LAMB1: variants seen among roughly 807,000 people sequenced by gnomAD.
The protein encoded by LAMB1 is laminin subunit beta-1.
In LAMB1, 121 loss-of-function variants were observed where a neutral mutation model predicts 222.3. The observed-to-expected ratio is 0.54, with a 90% CI of 0.47 to 0.63. The LOEUF is 0.63. Among genes scored for constraint, LAMB1 ranks in the 30% least tolerant of loss-of-function variants. The pLI is 0.00. For missense variants in LAMB1, 2,172 were observed against 2,240.8 expected, an observed-to-expected ratio of 0.97 and a Z score of 0.62; for synonymous variants, 794 against 807.2, an observed-to-expected ratio of 0.98 and a Z score of 0.28.
At chr7:107,990,785 A>T (rs1200545160) in intron 5 of LAMB1, among the ~76,000 whole-genome samples, 1 of 152,212 alleles carries the variant, frequency 6.6e-6, no homozygotes, top group Non-Finnish European at 1.5e-5. Context: ...AACAGCAGAG[A>T]GTATCAGAGT....
At chr7:107,955,268 C>A (rs535412689) in intron 21 of LAMB1, among the ~76,000 whole-genome samples, 199 bp downstream of exon 21, 6 of 152,134 alleles carry the variant, frequency 3.9e-5, no homozygotes, top group Non-Finnish European at 7.3e-5. Flanking sequence ...TGTGTTATAA[C>A]GTTCTTATCA....
At position 107,976,866 on chromosome 7, in the gene LAMB1, TCC is replaced by T. The variant is rs2033869103; in HGVS notation, c.1001-991_1001-990del. 6.7e-5 allele frequency among the ~76,000 whole-genome samples: 6 copies of T among 89,058 alleles called. 1 individual carries two copies. Among genetic ancestry groups the T allele is most frequent in the Non-Finnish European group, 1.5e-4 (6 of 41,242 alleles). The allele number at this position is 89,058 out of a possible 152,430, so 58.4% of individuals were successfully genotyped here. ...CCTTCCTTCCTTTCCTCTCCTTCCT[TCC>T]TTCCTTTCCTCTTGCTCCTTCCTTC... On this transcript the variant is annotated intron_variant, in intron 9 of 33. Transcript: ENST00000222399.
intron 22 of LAMB1, among the ~76,000 whole-genome samples, 170 bp downstream of exon 22, chr7:107,953,360 A>T (rs200321967): frequency 5.1e-5 from 1 of 19,742 alleles, no homozygotes; most frequent in South Asian, 1.3e-3. Context: ...CTGTCTCATT[A>T]AAAAAAAAAA....
chr7:107,977,244 A>G (rs1030673661), intron 9 of LAMB1, among the ~76,000 whole-genome samples: 1 of 152,146 alleles, frequency 6.6e-6, no homozygotes, highest in African/African-American at 2.4e-5. Context: ...CAGTGGGGGC[A>G]GAGGCGGAGC....
intron 32 of LAMB1, among the ~76,000 whole-genome samples, chr7:107,925,898 T>TAAAAA (rs34631145): frequency 1.4e-5 from 2 of 142,926 alleles, no homozygotes; most frequent in African/African-American, 5.2e-5. Flanking sequence ...ATAGTTGGTT[T>TAAAAA]AAAAAAAAAA....
At chr7:107,998,773 T>A (rs1166268663) in intron 3 of LAMB1, among the ~76,000 whole-genome samples, 2 of 152,198 alleles carry the variant, frequency 1.3e-5, no homozygotes, top group Admixed American at 1.3e-4. Flanking sequence ...AAAATCAAAT[T>A]TCTAGGCTTA....
intron 13 of LAMB1, among the ~76,000 whole-genome samples, chr7:107,972,131 C>T (rs1179009614): frequency 1.3e-5 from 2 of 152,208 alleles, no homozygotes; most frequent in African/African-American, 4.8e-5. Context: ...ACATGCTGTA[C>T]TGGGTCTATG....
chr7:107,956,791 G>A (rs2033387285), intron 20 of LAMB1, among the ~76,000 whole-genome samples: 1 of 152,150 alleles, frequency 6.6e-6, no homozygotes, highest in South Asian at 2.1e-4. Context: ...TTGTCTCTCA[G>A]GTGGTTCCAA....
At chr7:107,976,473 T>C (rs1328347470) in intron 9 of LAMB1, among the ~76,000 whole-genome samples, 1 of 152,196 alleles carries the variant, frequency 6.6e-6, no homozygotes, top group Admixed American at 6.5e-5. Context: ...GGCGGTCATC[T>C]TGGTGCCACC....
At position 107,935,438 on chromosome 7, in the gene LAMB1, C is replaced by T; in HGVS notation, c.4165G>A (p.Asp1389Asn). Residue 1389 changes from aspartate (D) to asparagine (N), a missense_variant, in exon 27 of 34, where the codon GAC (aspartate) becomes AAC (asparagine). Physicochemically the swap from Asp to Asn is conservative, Grantham distance 23. Coordinates refer to ENST00000222399, the MANE Select transcript of LAMB1 (RefSeq NM_002291.3). Reference sequence around the variant, plus strand: ...ACCATTTCGGCAGCGGCTGAAAGGTCTAGGCTTTGTAGCTTGCCTGCCAGT... The same window carrying T: ...ACCATTTCGGCAGCGGCTGAAAGGTTTAGGCTTTGTAGCTTGCCTGCCAGT... ...DELAGKLQSL[D>N]LSAAAEMTCG... The T allele has an allele frequency of 6.6e-7, 1 of 1,524,622 alleles. No individual in the cohort carries two copies. Among genetic ancestry groups the T allele is most frequent in the Non-Finnish European group, 8.8e-7 (1 of 1,130,390 alleles). The allele number at this position is 1,524,622 out of a possible 1,614,324, so 94.4% of individuals were successfully genotyped here.
At chr7:107,995,061 T>C (rs969315955) in intron 4 of LAMB1, 101 bp from the exon 5 acceptor site, 16 of 647,176 alleles carry the variant, frequency 2.5e-5, no homozygotes, top group Non-Finnish European at 4.3e-5. Flanking sequence ...ATGTTCCCCA[T>C]AGAAATTATC....
rs2528650 is a variant in LAMB1, at chr7:107,960,113, C to T, written c.2315-279G>A. On this transcript the variant is annotated intron_variant, in intron 18 of 33. Transcript: ENST00000222399. ...CAGTGACCTTCAGAGGATGGTCTGA[C>T]GTTTCAAAGAGAAAAACATACATTT... is the stretch of plus-strand genomic sequence containing the variant. 0.36 allele frequency among the ~76,000 whole-genome samples: 54,154 copies of T among 151,928 alleles called. 9,764 individuals are homozygous for T. The highest frequency in any genetic ancestry group is 0.37 in the Non-Finnish European group (25,326 of 67,954).
chr7:107,982,200 G>A (rs554086911), intron 7 of LAMB1, among the ~76,000 whole-genome samples: 67 of 152,272 alleles, frequency 4.4e-4, no homozygotes, highest in Non-Finnish European at 5.9e-4. Context: ...CGGGGTTTTC[G>A]TGAGTTACTA....
At chr7:107,963,555 G>A (rs2033558361) in intron 14 of LAMB1, among the ~76,000 whole-genome samples, 1 of 152,128 alleles carries the variant, frequency 6.6e-6, no homozygotes, top group African/African-American at 2.4e-5. Context: ...TGTTTACAGG[G>A]TTATTTTTTA....
At chr7:107,990,490 G>T (rs1461056077) in intron 5 of LAMB1, among the ~76,000 whole-genome samples, 1 of 152,172 alleles carries the variant, frequency 6.6e-6, no homozygotes, top group Non-Finnish European at 1.5e-5. Context: ...TTCTCTTCCT[G>T]ATTTCACTAC....
At position 107,929,636 on chromosome 7, in the gene LAMB1, T is replaced by C. The variant is rs1195586789; in HGVS notation, c.4538-17A>G. ...CACTATCCTCTGTGAAAAGCAAAGA[T>C]GTCCCCAAAAAGAGGTGAAAAGAAT... is the stretch of plus-strand genomic sequence containing the variant. On this transcript the variant is annotated splice_polypyrimidine_tract_variant and intron_variant, in intron 29 of 33. Coordinates refer to ENST00000222399, the MANE Select transcript of LAMB1 (RefSeq NM_002291.3). 4.4e-6 allele frequency: 7 copies of C among 1,605,874 alleles called. No homozygotes were observed. The highest frequency in any genetic ancestry group is 2.2e-5 in the East Asian group (1 of 44,842).
At chr7:107,930,440 A>G (rs1250074878) in intron 29 of LAMB1, among the ~76,000 whole-genome samples, 1 of 152,184 alleles carries the variant, frequency 6.6e-6, no homozygotes, top group Non-Finnish European at 1.5e-5. Context: ...CTTATTAGCC[A>G]TGCCTTTTTT....
In LAMB1 at chr7:107,940,355, C is replaced by T. The variant is rs2032952157; in HGVS notation, c.3395G>A (p.Cys1132Tyr). 11 of 1,612,812 alleles carry T rather than the reference C, an allele frequency of 6.8e-6. No individual in the cohort carries two copies. Among genetic ancestry groups the T allele is most frequent in the Non-Finnish European group, 8.5e-6 (10 of 1,179,126 alleles). ...WGDPDVECRA[C>Y]DCDPRGIETP... is the part of the protein sequence containing the mutation. ...CTCAATGCCCCTGGGGTCACAGTCACAGGCTAGAAGGGAATAAGCAATGCT... is the reference window on the plus strand; with the variant it reads ...CTCAATGCCCCTGGGGTCACAGTCATAGGCTAGAAGGGAATAAGCAATGCT... The change falls in exon 25 of 34, where the codon TGT becomes TAT. Residue 1132 changes from cysteine (C) to tyrosine (Y), a missense_variant. Coordinates refer to ENST00000222399, the MANE Select transcript of LAMB1 (RefSeq NM_002291.3).
chr7:108,002,351 C>T, intron 2 of LAMB1: 1 of 1,315,930 alleles, frequency 7.6e-7, no homozygotes, highest in Non-Finnish European at 1.0e-6. Context: ...TTCAAGGCTT[C>T]TCCATTCCAG....
Sources: gnomAD v4.1 joint callset for allele counts (sites outside exome capture counted in the v4.1 genomes callset) on GRCh38, gnomAD v4.1.1 for gene constraint, MANE v1.5 for transcripts, NCBI Gene and HGNC (gene_info 2026-07-23, HGNC 2026-07-21) for gene names.